The following MRPL43 variants were observed in gnomAD, a reference collection of about 807,000 sequenced individuals.
MRPL43 encodes mitochondrial ribosomal protein L43.
Under a neutral mutation model 12.7 loss-of-function variants are expected in MRPL43, and 9 were observed. That is an observed-to-expected ratio of 0.71 (90% CI 0.43 to 1.24). The LOEUF (loss-of-function observed/expected upper bound fraction) is 1.24. Ranked by LOEUF, MRPL43 falls within the 50% of genes most tolerant of loss-of-function variation. The pLI is 0.00. For synonymous variants in MRPL43, 116 were observed against 96.4 expected, an observed-to-expected ratio of 1.20 and a Z score of -1.19; for missense variants, 211 against 229.2, an observed-to-expected ratio of 0.92 and a Z score of 0.51.
chr10:100,982,062 C>CA (rs34646595), downstream of MRPL43, among the ~76,000 whole-genome samples: 104,658 of 126,704 alleles, frequency 0.83, 42,992 homozygotes, highest in African/African-American at 0.86. Context: ...CATCTCATCT[C>CA]AAAAAAAAAA....
chr10:100,978,982 C>T (rs919007889), downstream of MRPL43: 1 of 1,614,096 alleles, frequency 6.2e-7, no homozygotes, highest in African/African-American at 1.3e-5. Context: ...AGAGCCGCAG[C>T]AGTCACCGTG....
chr10:100,984,444 T>C, downstream of MRPL43: 6 of 1,503,460 alleles, frequency 4.0e-6, no homozygotes, highest in Non-Finnish European at 3.5e-6. Context: ...GAGGACTCCA[T>C]CCTCCTGTTC....
downstream of MRPL43, chr10:100,985,310 G>A (rs1174615834): frequency 6.0e-6 from 1 of 167,644 alleles, no homozygotes; most frequent in African/African-American, 2.4e-5. Flanking sequence ...CAGGGGCCAG[G>A]GGCCTCTGAA....
chr10:100,984,374 G>A, downstream of MRPL43: 4 of 1,447,844 alleles, frequency 2.8e-6, no homozygotes, highest in Middle Eastern at 5.1e-4. Context: ...GCTCCCTCAG[G>A]ATCAGGTGCC....
Position 100,987,107 on chromosome 10 carries a change from C to G in MRPL43, c.221G>C (p.Arg74Thr). 1 of 1,613,788 alleles carries G rather than the reference C, an allele frequency of 6.2e-7. No homozygotes were observed. ...YVNSRPCCVP[R>T]VVAEYLNGAV... ...CCACTCACGGTATTCGGCCACTACT[C>G]TGGGCACGCAGCACGGACGCGAGTT... is the stretch of plus-strand genomic sequence containing the variant. Residue 74 changes from arginine (R) to threonine (T), a missense_variant, in exon 2 of 3, where the codon AGA becomes ACA. Transcript: ENST00000318364.
At chr10:100,977,829 C>T (rs905539492), downstream of MRPL43, 16 of 1,062,280 alleles carry the variant, frequency 1.5e-5, no homozygotes, top group South Asian at 3.9e-5. Context: ...GTGAAGGAGA[C>T]GGATGGTTTA....
downstream of MRPL43, chr10:100,979,379 A>C (rs779060989): frequency 1.3e-5 from 20 of 1,593,392 alleles, no homozygotes; most frequent in Non-Finnish European, 1.5e-5. Context: ...CTGGCTGCAA[A>C]GTGAGAATTT....
downstream of MRPL43, chr10:100,984,937 AAC>A: frequency 7.0e-7 from 1 of 1,436,690 alleles, no homozygotes; most frequent in Non-Finnish European, 9.1e-7. Flanking sequence ...CACATGTGGT[AAC>A]ACACACCTGT....
chr10:100,979,995 G>A (rs1850984344), downstream of MRPL43: 1 of 1,613,982 alleles, frequency 6.2e-7, no homozygotes, highest in Non-Finnish European at 8.5e-7. Context: ...CTGGCTCGGT[G>A]AGTGCCCAGG....
chr10:100,984,038 A>G, downstream of MRPL43: 1 of 1,613,686 alleles, frequency 6.2e-7, no homozygotes, highest in Non-Finnish European at 8.5e-7. Flanking sequence ...GAGTACCAGC[A>G]GGGCCCTGCT....
downstream of MRPL43, chr10:100,981,574 G>A (rs1429053922): frequency 6.2e-7 from 1 of 1,612,184 alleles, no homozygotes; most frequent in Non-Finnish European, 8.5e-7. Context: ...AATCATCACA[G>A]CTAAGATGTA....
At chr10:100,984,040 G>T, downstream of MRPL43, 1 of 1,613,616 alleles carries the variant, frequency 6.2e-7, no homozygotes, top group African/African-American at 1.3e-5. Context: ...GTACCAGCAG[G>T]GCCCTGCTCC....
At chr10:100,978,840 G>A (rs371867636), downstream of MRPL43, 35 of 1,612,456 alleles carry the variant, frequency 2.2e-5, no homozygotes, top group African/African-American at 3.5e-4. Flanking sequence ...CAAACTGCCT[G>A]ACCCACAGAT....
chr10:100,980,703 C>T (rs1314273440), downstream of MRPL43: 1 of 1,610,362 alleles, frequency 6.2e-7, no homozygotes, highest in Non-Finnish European at 8.5e-7. Context: ...GGTAGCCCTT[C>T]TCTGTGACCC....
At chr10:100,978,544 G>A (rs769395836), downstream of MRPL43, 14 of 1,613,942 alleles carry the variant, frequency 8.7e-6, no homozygotes, top group Non-Finnish European at 1.1e-5. Context: ...CCTCTACACA[G>A]CCACTAGGTA....
downstream of MRPL43, among the ~76,000 whole-genome samples, chr10:100,983,142 G>A (rs927922223): frequency 6.6e-6 from 1 of 152,216 alleles, no homozygotes; most frequent in African/African-American, 2.4e-5. Flanking sequence ...AAGGGCCAAC[G>A]TGAACCTTCT....
At chr10:100,978,649 G>T (rs747495170), downstream of MRPL43, 6 of 1,610,796 alleles carry the variant, frequency 3.7e-6, no homozygotes, top group African/African-American at 6.7e-5. Context: ...TGGTTAGGAG[G>T]ATGAGGCACA....
chr10:100,982,515 G>A (rs1851147733), downstream of MRPL43, among the ~76,000 whole-genome samples: 1 of 152,218 alleles, frequency 6.6e-6, no homozygotes, highest in Non-Finnish European at 1.5e-5. Flanking sequence ...AAGAAGGGCC[G>A]GGCACGGTGG....
At chr10:100,979,931 A>T (rs372466257), downstream of MRPL43, 114 of 1,613,970 alleles carry the variant, frequency 7.1e-5, no homozygotes, top group Non-Finnish European at 9.4e-5. Context: ...ATGGAATACC[A>T]GGATGGTTCC....
Sources: allele counts gnomAD v4.1 joint callset (sites outside exome capture counted in the v4.1 genomes callset), GRCh38; gene constraint gnomAD v4.1.1; transcripts MANE v1.5; gene names NCBI Gene and HGNC (gene_info 2026-07-23, HGNC 2026-07-21).